The following C16orf87 variants were observed in gnomAD, a reference collection of about 807,000 sequenced individuals.
The protein encoded by C16orf87 is HDAC and MIER1 interacting protein 1, also known as UPF0547 protein C16orf87.
Under a neutral mutation model 21.0 loss-of-function variants are expected in C16orf87, and 13 were observed. That is an observed-to-expected ratio of 0.62 (90% CI 0.40 to 0.98). The LOEUF (loss-of-function observed/expected upper bound fraction) is 0.98. Ranked by LOEUF, C16orf87 falls within the 50% of genes least tolerant of loss-of-function variation. C16orf87 has a pLI of 0.00. For synonymous variants in C16orf87, 49 were observed against 60.2 expected (o/e 0.81, Z 0.86); for missense variants, 113 against 180.4 (o/e 0.63, Z 2.14).
At chr16:46,825,656 AAT>A (rs1959586855) in intron 1 of C16orf87, among the ~76,000 whole-genome samples, 1 of 152,126 alleles carries the variant, frequency 6.6e-6, no homozygotes, top group African/African-American at 2.4e-5. Context: ...TCACACCTGT[AAT>A]CCCAGCACTT....
rs1006584631 is a variant in C16orf87 at position 46,797,990 on chromosome 16, T to C, written c.*4962A>G. ...TTTGTGAGATAAAGCAAATGGGAAA[T>C]TTATAGCATTAAATGCTTTTTTTAG... On this transcript the variant is annotated 3_prime_UTR_variant, in exon 4 of 4. Coordinates refer to ENST00000285697, the MANE Select transcript of C16orf87 (RefSeq NM_001001436.4). The C allele has an allele frequency of 2.0e-5, 3 of 151,974 alleles. No individual in the cohort carries two copies. Among genetic ancestry groups the C allele is most frequent in the South Asian group, 2.1e-4 (1 of 4,822 alleles). 9.4% of individuals were successfully genotyped at this position (151,974 alleles called of 1,614,324 possible).
chr16:46,806,959 T>C (rs1013974337), intron 3 of C16orf87, among the ~76,000 whole-genome samples: 4 of 152,182 alleles, frequency 2.6e-5, no homozygotes, highest in South Asian at 2.1e-4. Flanking sequence ...GAGCAAGGAA[T>C]CAATAAAAAC....
chr16:46,822,806 G>T (rs1959471181), intron 2 of C16orf87, among the ~76,000 whole-genome samples: 2 of 152,112 alleles, frequency 1.3e-5, no homozygotes, highest in Admixed American at 1.3e-4. Flanking sequence ...ACTCAAATCA[G>T]AGGATGCCAT....
Position 46,831,146 on chromosome 16 carries a change from A to G in C16orf87, c.4T>C (p.Ser2Pro). The change falls in exon 1 of 4, where the codon TCT becomes CCT. Residue 2 changes from serine (S) to proline (P), a missense_variant. By Grantham distance (74) the Ser-to-Pro change is moderately conservative. Coordinates refer to ENST00000285697, the MANE Select transcript of C16orf87 (RefSeq NM_001001436.4). M[S>P]ATRAKKVKMA... ...TTCACTTTCTTGGCTCGAGTTGCAGACATGCTCCTCTCCCTTAGCGGCGGC... is the reference window on the plus strand; with the variant it reads ...TTCACTTTCTTGGCTCGAGTTGCAGGCATGCTCCTCTCCCTTAGCGGCGGC... The G allele has an allele frequency of 6.4e-7, 1 of 1,573,378 alleles. No individual in the cohort carries two copies. The highest frequency in any genetic ancestry group is 8.6e-7 in the Non-Finnish European group (1 of 1,157,730).
rs745576179 is a variant in C16orf87, at chr16:46,802,221, G to C, written c.*731C>G. 2.0e-5 allele frequency: 3 copies of C among 151,340 alleles called. No individual in the cohort carries two copies. Among genetic ancestry groups the C allele is most frequent in the Non-Finnish European group, 4.4e-5 (3 of 67,796 alleles). 9.4% of individuals were successfully genotyped at this position (151,340 alleles called of 1,614,324 possible). A position where few individuals can be genotyped will look rare whatever the true frequency, so the allele number is the denominator to read the frequency against. The stretch of plus-strand genomic sequence containing the variant: ...TTTAGGTTAACAGGCACCATCTTGA[G>C]AGCAGTTTGTTTTTTTTTTTTAGCT... On this transcript the variant is annotated 3_prime_UTR_variant, in exon 4 of 4. Coordinates refer to ENST00000285697, the MANE Select transcript of C16orf87 (RefSeq NM_001001436.4).
chr16:46,827,002 G>A (rs983278468), intron 1 of C16orf87, among the ~76,000 whole-genome samples: 2 of 152,160 alleles, frequency 1.3e-5, no homozygotes, highest in Non-Finnish European at 2.9e-5. Context: ...AATTAACAGT[G>A]TTGCAGTTAG....
intron 3 of C16orf87, among the ~76,000 whole-genome samples, chr16:46,806,866 T>G (rs1366310892): frequency 2.0e-5 from 3 of 152,134 alleles, no homozygotes; most frequent in Admixed American, 1.3e-4. Context: ...TTAAGTTAGG[T>G]TTTTTAGACA....
In C16orf87 at chr16:46,801,980, G is replaced by C. The variant is rs1433334572; in HGVS notation, c.*972C>G. 6.6e-6 allele frequency: 1 copy of C among 152,088 alleles called. No homozygotes were observed. The highest frequency in any genetic ancestry group is 1.5e-5 in the Non-Finnish European group (1 of 67,994). The allele number at this position is 152,088 out of a possible 1,614,324, so 9.4% of individuals were successfully genotyped here. On this transcript the variant is annotated 3_prime_UTR_variant, in exon 4 of 4. Transcript: ENST00000285697. ...TATGACTTAACACTAGAAAAATTAA[G>C]AATTTAAATATATTTCACAAACTTC...
At chr16:46,822,722 C>T (rs527593025) in intron 2 of C16orf87, among the ~76,000 whole-genome samples, 87 of 152,184 alleles carry the variant, frequency 5.7e-4, no homozygotes, top group Non-Finnish European at 3.4e-4. Flanking sequence ...AGTTAGCCTA[C>T]TGCAATAATC....
At chr16:46,807,651 C>T (rs1479008493) in intron 3 of C16orf87, among the ~76,000 whole-genome samples, 1 of 152,062 alleles carries the variant, frequency 6.6e-6, no homozygotes, top group Non-Finnish European at 1.5e-5. Flanking sequence ...TGGCTCTTTA[C>T]AGAAAAAGTG....
In C16orf87 at chr16:46,798,645, G is replaced by A. The variant is rs1967685500; in HGVS notation, c.*4307C>T. On this transcript the variant is annotated 3_prime_UTR_variant, in exon 4 of 4. Coordinates refer to ENST00000285697, the MANE Select transcript of C16orf87 (RefSeq NM_001001436.4). Reference sequence around the variant, plus strand: ...CACCTGTATACCCAGGTACTTGGGAGGCTGGTGAGGGAAGCTTGAACCCAA... The same window carrying A: ...CACCTGTATACCCAGGTACTTGGGAAGCTGGTGAGGGAAGCTTGAACCCAA... 6.6e-6 allele frequency: 1 copy of A among 152,070 alleles called. No individual in the cohort carries two copies. The highest frequency in any genetic ancestry group is 6.6e-5 in the Admixed American group (1 of 15,252). 9.4% of individuals were successfully genotyped at this position (152,070 alleles called of 1,614,324 possible).
chr16:46,829,449 A>G (rs1476039957), intron 1 of C16orf87, among the ~76,000 whole-genome samples: 2 of 152,130 alleles, frequency 1.3e-5, no homozygotes, highest in African/African-American at 4.8e-5. Flanking sequence ...AAAAGTGGCT[A>G]TTTTTCCCAA....
intron 2 of C16orf87, among the ~76,000 whole-genome samples, chr16:46,823,331 G>A (rs1012603524): frequency 6.6e-6 from 1 of 152,148 alleles, no homozygotes; most frequent in South Asian, 2.1e-4. Flanking sequence ...TGTGCCCAAG[G>A]CTTGGAATAG....
intron 2 of C16orf87, among the ~76,000 whole-genome samples, chr16:46,810,528 TCAAA>T (rs1968049857): frequency 6.6e-6 from 1 of 151,694 alleles, no homozygotes; most frequent in African/African-American, 2.4e-5. Context: ...ATACCTGCAC[TCAAA>T]AGCAAGAAAG....
chr16:46,800,176 C>CTTTTTTTTTTTT lies in C16orf87; in HGVS notation c.*2764_*2775dup, dbSNP rs11307886. 1 of 141,068 alleles carries CTTTTTTTTTTTT rather than the reference C, an allele frequency of 7.1e-6. No individual in the cohort carries two copies. 8.7% of individuals were successfully genotyped at this position (141,068 alleles called of 1,614,324 possible). The stretch of plus-strand genomic sequence containing the variant: ...GAAGCAACTCAGAGGTCATACTGAC[C>CTTTTTTTTTTTT]TTTTTTTTTTTTTTCTTAAGTATTT... On this transcript the variant is annotated 3_prime_UTR_variant, in exon 4 of 4. Coordinates refer to ENST00000285697, the MANE Select transcript of C16orf87 (RefSeq NM_001001436.4).
rs759453983 is a variant in C16orf87, at chr16:46,809,619, T to G, written c.330A>C (p.Lys110Asn). The change falls in exon 3 of 4, where the codon AAA (lysine) becomes AAC (asparagine). Residue 110 changes from lysine (K) to asparagine (N), a missense_variant. Transcript: ENST00000285697. ...RGRPKSASAK[K>N]HEEEREKQEK... ...TGTTCATACCTCTTTCTTCCTCATG[T>G]TTTTTGGCAGATGCACTTTTAGGTC... 1.2e-6 allele frequency: 2 copies of G among 1,608,276 alleles called. No homozygotes were observed. The highest frequency in any genetic ancestry group is 1.7e-6 in the Non-Finnish European group (2 of 1,177,744).
chr16:46,803,051 A>C lies in C16orf87; in HGVS notation c.366T>G (p.Ile122Met). Residue 122 changes from isoleucine to methionine, a missense_variant, in exon 4 of 4, where the codon ATT becomes ATG. Transcript: ENST00000285697. ...EEEREKQEKEIDIYANLSDEK... is the reference protein window; with the variant it reads ...EEEREKQEKEMDIYANLSDEK... The stretch of plus-strand genomic sequence containing the variant: ...CATCAGACAGGTTAGCATAGATGTC[A>C]ATTTCCTTTTCCTGTTTCTCTGTTA... 1 of 1,580,186 alleles carries C rather than the reference A, an allele frequency of 6.3e-7. No individual in the cohort carries two copies. Among genetic ancestry groups the C allele is most frequent in the Non-Finnish European group, 8.7e-7 (1 of 1,155,312 alleles).
At chr16:46,826,670 G>A (rs937346669) in intron 1 of C16orf87, among the ~76,000 whole-genome samples, 6 of 151,766 alleles carry the variant, frequency 4.0e-5, no homozygotes, top group South Asian at 2.1e-4. Context: ...TTCAAATCAC[G>A]ACAAAAAAAA....
At chr16:46,805,790 T>G (rs564775486) in intron 3 of C16orf87, among the ~76,000 whole-genome samples, 1 of 152,364 alleles carries the variant, frequency 6.6e-6, no homozygotes, top group South Asian at 2.1e-4. Context: ...TGAGAGTATC[T>G]TTATTTGGGG....
Sources: gnomAD v4.1 joint callset for allele counts (sites outside exome capture counted in the v4.1 genomes callset) on GRCh38, gnomAD v4.1.1 for gene constraint, MANE v1.5 for transcripts, NCBI Gene and HGNC (gene_info 2026-07-23, HGNC 2026-07-21) for gene names.